PMM2: variants seen among roughly 807,000 people sequenced by gnomAD.
The protein encoded by PMM2 is mannose-6-phosphate isomerase.
Under a neutral mutation model 33.2 loss-of-function variants are expected in PMM2, and 35 were observed. The ratio of observed to expected loss-of-function variants is 1.06; its 90% CI spans 0.81 to 1.40. PMM2 has a LOEUF of 1.40. Ranked by LOEUF, PMM2 falls within the 40% of genes most tolerant of loss-of-function variation. The pLI, the probability that PMM2 is intolerant of heterozygous loss-of-function variation, is 0.00. For synonymous variants in PMM2, 153 were observed against 114.7 expected (o/e 1.33, Z -2.13); for missense variants, 386 against 306.0 (o/e 1.26, Z -1.95).
chr16:8,801,385 A>G (rs2060615437), intron 1 of PMM2, among the ~76,000 whole-genome samples: 1 of 152,212 alleles, frequency 6.6e-6, no homozygotes, highest in Non-Finnish European at 1.5e-5. Flanking sequence ...ATGTATGAAA[A>G]TAAGGCTTAT....
chr16:8,813,855 C>A, intron 7 of PMM2, among the ~76,000 whole-genome samples: 1 of 113,794 alleles, frequency 8.8e-6, no homozygotes, highest in African/African-American at 3.3e-5. Flanking sequence ...CCTTTTCTTT[C>A]TCTTTTTTTT....
intron 7 of PMM2, among the ~76,000 whole-genome samples, chr16:8,843,683 A>G (rs1352290394): frequency 2.6e-5 from 4 of 152,134 alleles, no homozygotes; most frequent in African/African-American, 7.2e-5. Context: ...CTATTATTGT[A>G]CACCTTGAAG....
At chr16:8,835,954 A>C (rs139551477) in intron 7 of PMM2, among the ~76,000 whole-genome samples, 2 of 151,746 alleles carry the variant, frequency 1.3e-5, no homozygotes, top group African/African-American at 2.4e-5. Context: ...TAGTTCAGGA[A>C]TACTCAGGGA....
chr16:8,846,648 C>G (rs1358816118), intron 7 of PMM2, among the ~76,000 whole-genome samples: 2 of 152,110 alleles, frequency 1.3e-5, no homozygotes, highest in Non-Finnish European at 2.9e-5. Flanking sequence ...TTTCTGAGGC[C>G]TCGGTTTCGT....
chr16:8,804,036 T>TTGTTTTG (rs1555449109), intron 2 of PMM2, among the ~76,000 whole-genome samples: 2 of 121,364 alleles, frequency 1.6e-5, no homozygotes, highest in East Asian at 2.6e-4. Context: ...TTTTTGTTTT[T>TTGTTTTG]TTTTTTTTTT....
intron 1 of PMM2, among the ~76,000 whole-genome samples, chr16:8,801,090 G>C (rs1190366986): frequency 6.6e-6 from 1 of 152,228 alleles, no homozygotes; most frequent in African/African-American, 2.4e-5. Flanking sequence ...AGCTAGATCT[G>C]TGTTGGCATG....
At chr16:8,832,560 A>G (rs920169381) in intron 7 of PMM2, 1 of 985,310 alleles carries the variant, frequency 1.0e-6, no homozygotes, top group Non-Finnish European at 1.2e-6. Flanking sequence ...GGGGACTAGC[A>G]TAAACCCTTT....
Position 8,800,229 on chromosome 16 carries a change from C to T in PMM2, c.67-1570C>T, listed in dbSNP as rs557542737. ...CAAAAAGATTAGCCGAGCATGATGG[C>T]GGGCGCCTGTAATCCTGGCTACCTG... On this transcript the variant is annotated intron_variant, in intron 1 of 7. Transcript: ENST00000268261. Among the ~76,000 whole-genome samples, 25 of 151,918 alleles carry T rather than the reference C, an allele frequency of 1.6e-4. No homozygotes were observed. In the Middle Eastern group the frequency reaches 0.01, roughly 62 times the overall value.
At chr16:8,804,718 C>T (rs777818349) in intron 2 of PMM2, 49 bp from the exon 3 acceptor site, 2 of 1,305,584 alleles carry the variant, frequency 1.5e-6, no homozygotes, top group Admixed American at 1.7e-5. Flanking sequence ...AGTAAAAACA[C>T]AGGTTTTGAT....
intron 7 of PMM2, among the ~76,000 whole-genome samples, chr16:8,820,325 G>A (rs370046518): frequency 3.1e-4 from 46 of 150,704 alleles, no homozygotes; most frequent in African/African-American, 1.1e-3. Flanking sequence ...CAGTGACCTC[G>A]TCAGCCCAGT....
intron 7 of PMM2, among the ~76,000 whole-genome samples, chr16:8,820,111 C>T (rs1401708134): frequency 1.3e-5 from 2 of 152,168 alleles, no homozygotes; most frequent in African/African-American, 2.4e-5. Context: ...GCAGGAGAAG[C>T]GCTTGAACCC....
rs760816073 is a variant in PMM2 at position 8,834,891 on chromosome 16, A to T, written c.640-12833A>T. ...AGTCATGGGGGTCAGGTGTGGTATC[A>T]GGAATAATGTGGGAGGCCAGATTGA... On this transcript the variant is annotated intron_variant, in intron 7 of 7. Coordinates refer to ENST00000268261, the MANE Select transcript of PMM2 (RefSeq NM_000303.3). Among the ~76,000 whole-genome samples, 58 of 152,234 alleles carry T rather than the reference A, an allele frequency of 3.8e-4. 1 individual carries two copies. Among genetic ancestry groups the T allele is most frequent in the Admixed American group, 3.0e-3 (46 of 15,290 alleles).
chr16:8,839,732 A>G (rs992777289), intron 7 of PMM2, among the ~76,000 whole-genome samples: 16 of 151,812 alleles, frequency 1.1e-4, no homozygotes, highest in African/African-American at 3.9e-4. Flanking sequence ...GTGTAGTTGG[A>G]CTTTGGAGAT....
At chr16:8,835,329 C>T (rs947752163) in intron 7 of PMM2, among the ~76,000 whole-genome samples, 59 of 151,794 alleles carry the variant, frequency 3.9e-4, no homozygotes, top group Non-Finnish European at 6.5e-4. Flanking sequence ...AGAATTATGC[C>T]GAGATAGGTA....
intron 7 of PMM2, among the ~76,000 whole-genome samples, chr16:8,834,871 T>C (rs1376247491): frequency 3.8e-4 from 58 of 151,964 alleles, no homozygotes; most frequent in African/African-American, 1.2e-3. Context: ...GATACAGTCA[T>C]GGGGGTCAGG....
chr16:8,811,729 C>G lies in PMM2; in HGVS notation c.523+16C>G, dbSNP rs1456060350. 1 of 1,567,056 alleles carries G rather than the reference C, an allele frequency of 6.4e-7. No homozygotes were observed. Among genetic ancestry groups the G allele is most frequent in the Admixed American group, 1.7e-5 (1 of 59,950 alleles). On this transcript the variant is annotated intron_variant, in intron 6 of 7. Coordinates refer to ENST00000268261, the MANE Select transcript of PMM2 (RefSeq NM_000303.3). The stretch of plus-strand genomic sequence containing the variant: ...TTTTCCATAGGTATTGTATATATTG[C>G]CTGTGTTCCAAACTTGGATACCCAT...
At chr16:8,843,143 G>T (rs1482049095) in intron 7 of PMM2, among the ~76,000 whole-genome samples, 3 of 152,118 alleles carry the variant, frequency 2.0e-5, no homozygotes, top group African/African-American at 7.2e-5. Context: ...CCAGAGTTGG[G>T]GAGTTTTAAG....
In PMM2 at chr16:8,832,740, G is replaced by A. The variant is rs914370091; in HGVS notation, c.640-14984G>A. On this transcript the variant is annotated intron_variant, in intron 7 of 7. Coordinates refer to ENST00000268261, the MANE Select transcript of PMM2 (RefSeq NM_000303.3). ...CATGGCCCGGGCTTGCAGGCTTCAGGCGGCTACCCGTGAAATCCCAGGTGC... is the reference window on the plus strand; with the variant it reads ...CATGGCCCGGGCTTGCAGGCTTCAGACGGCTACCCGTGAAATCCCAGGTGC... The A allele has an allele frequency of 1.3e-5, 13 of 985,188 alleles. No individual in the cohort carries two copies. The African/African-American group carries it at 1.7e-4, about 13-fold the overall frequency. 61.0% of individuals were successfully genotyped at this position (985,188 alleles called of 1,614,324 possible).
At chr16:8,846,228 T>C (rs908268729) in intron 7 of PMM2, among the ~76,000 whole-genome samples, 2 of 152,218 alleles carry the variant, frequency 1.3e-5, no homozygotes, top group African/African-American at 4.8e-5. Flanking sequence ...GGATAGGTTC[T>C]TGCAAAAATG....
Sources: gnomAD v4.1 joint callset for allele counts (sites outside exome capture counted in the v4.1 genomes callset) on GRCh38, gnomAD v4.1.1 for gene constraint, MANE v1.5 for transcripts, NCBI Gene and HGNC (gene_info 2026-07-23, HGNC 2026-07-21) for gene names.